GPC6: variants seen among roughly 807,000 people sequenced by gnomAD.
GPC6 encodes glypican-6.
GPC6 carries 14 observed loss-of-function variants against 55.2 expected under a neutral mutation model. The ratio of observed to expected loss-of-function variants is 0.25; its 90% CI spans 0.17 to 0.40. GPC6 has a LOEUF of 0.40. Among genes scored for constraint, GPC6 ranks in the 10% least tolerant of loss-of-function variants. GPC6 has a pLI of 1.00. For missense variants in GPC6, 641 were observed against 708.5 expected (o/e 0.90, Z 1.08); for synonymous variants, 278 against 259.6 (o/e 1.07, Z -0.68).
intron 4 of GPC6, among the ~76,000 whole-genome samples, chr13:94,082,771 G>T (rs1480394811): frequency 6.6e-6 from 1 of 152,146 alleles, no homozygotes; most frequent in Non-Finnish European, 1.5e-5. Flanking sequence ...TATCCTCCGT[G>T]AAACTTCCCC....
chr13:93,345,296 A>C (rs1284142739), intron 1 of GPC6, among the ~76,000 whole-genome samples: 1 of 152,146 alleles, frequency 6.6e-6, no homozygotes, highest in Non-Finnish European at 1.5e-5. Context: ...GGTTGTTAAA[A>C]GGATTCAGTG....
intron 2 of GPC6, among the ~76,000 whole-genome samples, chr13:93,765,277 C>G (rs1210015584): frequency 1.9e-5 from 2 of 102,714 alleles, no homozygotes; most frequent in African/African-American, 5.3e-5. Context: ...GGAAAGACAA[C>G]TTTCCAGATA....
intron 7 of GPC6, among the ~76,000 whole-genome samples, chr13:94,395,932 C>T (rs1296123499): frequency 6.6e-6 from 1 of 152,200 alleles, no homozygotes; most frequent in East Asian, 1.9e-4. Context: ...CTCCCTTGCC[C>T]ACCAGCTTCC....
chr13:93,532,421 A>G (rs777624496), intron 1 of GPC6, among the ~76,000 whole-genome samples: 25 of 152,194 alleles, frequency 1.6e-4, no homozygotes, highest in Non-Finnish European at 2.8e-4. Flanking sequence ...TAAAAATTTT[A>G]TCGGTATAAA....
chr13:94,258,862 G>C (rs542435566), intron 4 of GPC6, among the ~76,000 whole-genome samples: 7 of 152,158 alleles, frequency 4.6e-5, no homozygotes, highest in African/African-American at 7.2e-5. Context: ...GTATCCTCAG[G>C]CTAGGTTACC....
chr13:93,727,572 A>G (rs1225866259), intron 2 of GPC6, among the ~76,000 whole-genome samples: 1 of 152,144 alleles, frequency 6.6e-6, no homozygotes, highest in Non-Finnish European at 1.5e-5. Flanking sequence ...CTTGTGGGCC[A>G]TATTATCTAA....
chr13:93,769,786 A>G (rs1464899396), intron 2 of GPC6, among the ~76,000 whole-genome samples: 1 of 152,214 alleles, frequency 6.6e-6, no homozygotes, highest in Non-Finnish European at 1.5e-5. Context: ...GGGAAGGATG[A>G]TTCATGCTTT....
Position 93,830,382 on chromosome 13 carries a change from G to A in GPC6, c.548G>A (p.Ser183Asn), listed in dbSNP as rs778531720. 2 of 1,613,810 alleles carry A rather than the reference G, an allele frequency of 1.2e-6. No homozygotes were observed. The highest frequency in any genetic ancestry group is 1.3e-5 in the African/African-American group (1 of 74,870). ...FQLINPQYHFSEDYLECVSKY... is the reference protein window; with the variant it reads ...FQLINPQYHFNEDYLECVSKY... ...CTGATAAACCCTCAGTATCACTTCA[G>A]TGAAGACTACCTGGAATGTGTGAGC... Residue 183 changes from serine (S) to asparagine (N), a missense_variant, in exon 3 of 9, where the codon AGT becomes AAT. Physicochemically the swap from Ser to Asn is conservative, Grantham distance 46 (BLOSUM62 1). Coordinates refer to ENST00000377047, the MANE Select transcript of GPC6 (RefSeq NM_005708.5).
chr13:93,233,780 G>T (rs955373238), intron 1 of GPC6, among the ~76,000 whole-genome samples: 5 of 152,186 alleles, frequency 3.3e-5, no homozygotes, highest in African/African-American at 9.7e-5. Context: ...TCCCTGGGGA[G>T]ACTGGTCAGT....
intron 1 of GPC6, among the ~76,000 whole-genome samples, chr13:93,483,005 A>G (rs768681383): frequency 1.4e-4 from 21 of 152,124 alleles, no homozygotes; most frequent in Non-Finnish European, 2.9e-4. Flanking sequence ...CCAAGAGCCT[A>G]AGGACTTGGC....
intron 2 of GPC6, among the ~76,000 whole-genome samples, chr13:93,570,199 A>G (rs1419829225): frequency 1.3e-5 from 2 of 152,198 alleles, no homozygotes; most frequent in Non-Finnish European, 2.9e-5. Context: ...TATGTCTGAA[A>G]GAAGTAATGT....
chr13:93,348,630 G>T (rs1880510602), intron 1 of GPC6, among the ~76,000 whole-genome samples: 1 of 152,108 alleles, frequency 6.6e-6, no homozygotes, highest in Non-Finnish European at 1.5e-5. Flanking sequence ...GAAACAAAAA[G>T]CAAACCTGCT....
chr13:93,388,529 T>G (rs1445537867), intron 1 of GPC6, among the ~76,000 whole-genome samples: 1 of 152,164 alleles, frequency 6.6e-6, no homozygotes, highest in Non-Finnish European at 1.5e-5. Context: ...GCTATACCTA[T>G]TCAGAGGCAG....
chr13:93,261,925 TACACAC>T (rs34841808), intron 1 of GPC6, among the ~76,000 whole-genome samples: 7,022 of 144,552 alleles, frequency 0.049, 320 homozygotes, highest in African/African-American at 0.13. Context: ...TCTCTCCCTC[TACACAC>T]ACACACACAC....
chr13:93,982,924 A>G (rs563747972), intron 3 of GPC6, among the ~76,000 whole-genome samples: 1 of 152,276 alleles, frequency 6.6e-6, no homozygotes, highest in Non-Finnish European at 1.5e-5. Flanking sequence ...GGGAAATCCA[A>G]TTCCTACTGA....
intron 3 of GPC6, among the ~76,000 whole-genome samples, chr13:93,879,922 C>T (rs1221285657): frequency 6.6e-6 from 1 of 151,184 alleles, no homozygotes; most frequent in Non-Finnish European, 1.5e-5. Flanking sequence ...ACAGACATTT[C>T]TCAAAAGAAG....
chr13:93,880,909 G>C (rs1874927821), intron 3 of GPC6, among the ~76,000 whole-genome samples: 1 of 148,056 alleles, frequency 6.8e-6, no homozygotes, highest in African/African-American at 2.5e-5. Context: ...AGAAAGATAA[G>C]AATTATGTGT....
chr13:93,693,939 C>G (rs1882354207), intron 2 of GPC6, among the ~76,000 whole-genome samples: 1 of 152,156 alleles, frequency 6.6e-6, no homozygotes. Flanking sequence ...AACTTAACTA[C>G]TTATGGAAAA....
chr13:93,376,825 G>A (rs1326131771), intron 1 of GPC6, among the ~76,000 whole-genome samples: 1 of 141,148 alleles, frequency 7.1e-6, no homozygotes, highest in African/African-American at 2.7e-5. Flanking sequence ...TATATAAAAT[G>A]TCCTGGCTGT....
Sources: allele counts gnomAD v4.1 joint callset (sites outside exome capture counted in the v4.1 genomes callset), GRCh38; gene constraint gnomAD v4.1.1; transcripts MANE v1.5; gene names NCBI Gene and HGNC (gene_info 2026-07-23, HGNC 2026-07-21).